EFCAB13: variants seen among roughly 807,000 people sequenced by gnomAD.
EFCAB13 encodes the protein EF-hand calcium-binding domain-containing protein 13.
Under a neutral mutation model 110.2 loss-of-function variants are expected in EFCAB13, and 91 were observed. The observed-to-expected ratio is 0.83, with a 90% CI of 0.70 to 0.98. The LOEUF (loss-of-function observed/expected upper bound fraction) is 0.98, where lower values mean the gene tolerates loss of function less well. EFCAB13 is among the 50% of genes least tolerant of loss of function. EFCAB13 has a pLI of 0.00. For missense variants in EFCAB13, 968 were observed against 1,119.4 expected, an observed-to-expected ratio of 0.86 and a Z score of 1.93; for synonymous variants, 323 against 369.9, an observed-to-expected ratio of 0.87 and a Z score of 1.45.
intron 12 of EFCAB13, among the ~76,000 whole-genome samples, chr17:47,376,383 G>A (rs1293059981): frequency 6.6e-6 from 1 of 152,124 alleles, no homozygotes; most frequent in African/African-American, 2.4e-5. Flanking sequence ...GGGTAGAAGA[G>A]GCTGTCAGAA....
rs550292274 is a variant in EFCAB13 at position 47,393,091 on chromosome 17, A to C, written c.1727-934A>C. ...AGGGAAGTGCAAAGTTTAGGTCATA[A>C]TGAGATACTTAAAAAAAAAAGAGGG... On this transcript the variant is annotated intron_variant, in intron 15 of 24. Transcript: ENST00000331493. 2.5e-3 allele frequency among the ~76,000 whole-genome samples: 376 copies of C among 151,078 alleles called. 3 individuals are homozygous for C. The highest frequency in any genetic ancestry group is 8.9e-3 in the African/African-American group (367 of 41,386).
In EFCAB13 at chr17:47,341,994, A is replaced by G; in HGVS notation, c.265A>G (p.Lys89Glu). ...DFSGEKKVGR[K>E]SLQVQQHSKR... ...TTCAGGAGAAAAAAAAGTTGGGAGA[A>G]AGAGTTTACAAGTACAACAGCACAG... The change falls in exon 6 of 25, where the codon AAG (lysine) becomes GAG (glutamate). Residue 89 changes from lysine to glutamate, a missense_variant. Coordinates refer to ENST00000331493, the MANE Select transcript of EFCAB13 (RefSeq NM_152347.5). The G allele has an allele frequency of 6.2e-7, 1 of 1,601,926 alleles. No homozygotes were observed. Among genetic ancestry groups the G allele is most frequent in the Non-Finnish European group, 8.5e-7 (1 of 1,174,942 alleles).
At chr17:47,424,872 A>ATTTTTTTTT (rs1459453287) in intron 23 of EFCAB13, among the ~76,000 whole-genome samples, 1 of 68,346 alleles carries the variant, frequency 1.5e-5, no homozygotes, top group Non-Finnish European at 2.9e-5. Flanking sequence ...CCGGTTGACA[A>ATTTTTTTTT]TCTTTTTTTT....
At chr17:47,330,955 A>G (rs1904621401) in intron 4 of EFCAB13, among the ~76,000 whole-genome samples, 2 of 152,082 alleles carry the variant, frequency 1.3e-5, no homozygotes, top group Admixed American at 1.3e-4. Context: ...CTTTTTAATA[A>G]TGGCCATTCT....
At chr17:47,422,363 A>G (rs369295964) in intron 23 of EFCAB13, among the ~76,000 whole-genome samples, 2 of 152,320 alleles carry the variant, frequency 1.3e-5, no homozygotes, top group African/African-American at 4.8e-5. Flanking sequence ...CTTCTGTTCA[A>G]CCGTGTACTG....
intron 23 of EFCAB13, among the ~76,000 whole-genome samples, chr17:47,419,314 G>A (rs1904551497): frequency 6.6e-6 from 1 of 152,202 alleles, no homozygotes; most frequent in Admixed American, 6.5e-5. Context: ...ATGGCTGGGT[G>A]TGGTGGCTTA....
chr17:47,346,004 G>T (rs75060912), intron 8 of EFCAB13, among the ~76,000 whole-genome samples: 6,222 of 152,112 alleles, frequency 0.041, 294 homozygotes, highest in East Asian at 0.24. Context: ...TGAAATCTAT[G>T]AAACTGAATC....
chr17:47,412,992 A>G, intron 22 of EFCAB13, 76 bp downstream of exon 22: 1 of 1,470,450 alleles, frequency 6.8e-7, no homozygotes, highest in East Asian at 2.3e-5. Flanking sequence ...TGTACCTATA[A>G]GGATAAGATG....
chr17:47,424,136 C>T (rs945423999), intron 23 of EFCAB13, among the ~76,000 whole-genome samples: 4 of 152,136 alleles, frequency 2.6e-5, no homozygotes, highest in Admixed American at 2.6e-4. Flanking sequence ...CGGACGAGGC[C>T]CACGGGCTGC....
intron 23 of EFCAB13, among the ~76,000 whole-genome samples, chr17:47,420,803 C>G (rs1904660607): frequency 2.6e-5 from 4 of 152,200 alleles, no homozygotes; most frequent in Admixed American, 2.6e-4. Flanking sequence ...GCCACCCCAT[C>G]CGGGAGGGAG....
intron 14 of EFCAB13, among the ~76,000 whole-genome samples, chr17:47,382,489 G>A (rs952560177): frequency 6.6e-6 from 1 of 152,114 alleles, no homozygotes; most frequent in Non-Finnish European, 1.5e-5. Flanking sequence ...TATTGGCTAT[G>A]GGTTTGTCAT....
chr17:47,419,318 T>C (rs1174248558), intron 23 of EFCAB13, among the ~76,000 whole-genome samples: 1 of 152,222 alleles, frequency 6.6e-6, no homozygotes, highest in Non-Finnish European at 1.5e-5. Flanking sequence ...CTGGGTGTGG[T>C]GGCTTATGTC....
At chr17:47,378,221 C>T (rs2065627137) in intron 13 of EFCAB13, among the ~76,000 whole-genome samples, 1 of 152,018 alleles carries the variant, frequency 6.6e-6, no homozygotes, top group Non-Finnish European at 1.5e-5. Flanking sequence ...GATGGCAAGA[C>T]CACAATATCT....
intron 23 of EFCAB13, among the ~76,000 whole-genome samples, chr17:47,421,002 C>G (rs1348632911): frequency 7.4e-6 from 1 of 135,834 alleles, no homozygotes; most frequent in Non-Finnish European, 1.6e-5. Flanking sequence ...GGGGTCAGCC[C>G]CCCGTCCGGG....
intron 9 of EFCAB13, among the ~76,000 whole-genome samples, chr17:47,359,833 T>A (rs2065501905): frequency 7.5e-6 from 1 of 133,970 alleles, no homozygotes; most frequent in African/African-American, 2.8e-5. Flanking sequence ...TGTCCATGTG[T>A]TCTCATTGTT....
At chr17:47,408,671 A>G (rs2065818166) in intron 20 of EFCAB13, among the ~76,000 whole-genome samples, 1 of 152,174 alleles carries the variant, frequency 6.6e-6, no homozygotes, top group Non-Finnish European at 1.5e-5. Context: ...AATAAATACA[A>G]AATAAAAAGT....
At chr17:47,432,328 G>C (rs62076508) in intron 24 of EFCAB13, among the ~76,000 whole-genome samples, 12,971 of 151,940 alleles carry the variant, frequency 0.085, 763 homozygotes, top group Middle Eastern at 0.15. Flanking sequence ...AACCCGGGAG[G>C]TGGAGCTTGC....
intron 17 of EFCAB13, among the ~76,000 whole-genome samples, chr17:47,397,034 C>G (rs1249154093): frequency 2.7e-5 from 4 of 146,968 alleles, no homozygotes; most frequent in Non-Finnish European, 4.5e-5. Flanking sequence ...CCCTCCCCCT[C>G]CCCCTCCCCC....
At chr17:47,360,704 C>T (rs1250209939) in intron 9 of EFCAB13, among the ~76,000 whole-genome samples, 4 of 152,078 alleles carry the variant, frequency 2.6e-5, no homozygotes, top group African/African-American at 9.7e-5. Context: ...CTCGCCCATG[C>T]CTATGTCCTG....
Sources: gnomAD v4.1 joint callset for allele counts (sites outside exome capture counted in the v4.1 genomes callset) on GRCh38, gnomAD v4.1.1 for gene constraint, MANE v1.5 for transcripts, NCBI Gene and HGNC (gene_info 2026-07-23, HGNC 2026-07-21) for gene names.